The following SLC25A21 variants were observed in gnomAD, a reference collection of about 807,000 sequenced individuals.
The protein encoded by SLC25A21 is mitochondrial 2-oxodicarboxylate carrier.
SLC25A21 carries 47 observed loss-of-function variants against 43.8 expected under a neutral mutation model. That is an observed-to-expected ratio of 1.07 (90% CI 0.85 to 1.37). The LOEUF is 1.37. Ranked by LOEUF, SLC25A21 falls within the 40% of genes most tolerant of loss-of-function variation. The pLI is 0.00. For synonymous variants in SLC25A21, 131 were observed against 121.3 expected (o/e 1.08, Z -0.52); for missense variants, 352 against 350.2 (o/e 1.00, Z -0.04).
At chr14:36,927,004 T>G (rs1250135363) in intron 1 of SLC25A21, among the ~76,000 whole-genome samples, 2 of 151,944 alleles carry the variant, frequency 1.3e-5, no homozygotes, top group Admixed American at 6.6e-5. Flanking sequence ...ACCCCAACTC[T>G]ACTAGAAATG....
intron 1 of SLC25A21, among the ~76,000 whole-genome samples, chr14:37,164,749 T>TA (rs1454475728): frequency 2.0e-5 from 3 of 152,202 alleles, no homozygotes; most frequent in East Asian, 3.8e-4. Flanking sequence ...TATATCTTTT[T>TA]ATTAGCCTTT....
Position 36,680,475 on chromosome 14 carries a change from A to T in SLC25A21, c.*183T>A. 4.1e-6 allele frequency: 5 copies of T among 1,225,164 alleles called. No individual in the cohort carries two copies. The South Asian group carries it at 1.5e-4, about 38-fold the overall frequency. 75.9% of individuals were successfully genotyped at this position (1,225,164 alleles called of 1,614,324 possible). A position where few individuals can be genotyped will look rare whatever the true frequency, so the allele number is the denominator to read the frequency against. On this transcript the variant is annotated 3_prime_UTR_variant, in exon 10 of 10. Coordinates refer to ENST00000331299, the MANE Select transcript of SLC25A21 (RefSeq NM_030631.4). ...TTTTTTTCTTCTCACAGTTTTATTT[A>T]TACAGCCAAAACTATAATCTCAAGT...
At chr14:36,899,109 G>T (rs1293232148) in intron 1 of SLC25A21, among the ~76,000 whole-genome samples, 1 of 152,048 alleles carries the variant, frequency 6.6e-6, no homozygotes, top group East Asian at 1.9e-4. Context: ...TAAATTTAAG[G>T]TTGGGTATGG....
At chr14:36,937,680 G>A (rs1248888423) in intron 1 of SLC25A21, among the ~76,000 whole-genome samples, 1 of 152,082 alleles carries the variant, frequency 6.6e-6, no homozygotes, top group Non-Finnish European at 1.5e-5. Context: ...GCATTAATAG[G>A]GCTGCGAGGA....
chr14:37,049,012 TCTC>T (rs1961648993), intron 1 of SLC25A21, among the ~76,000 whole-genome samples: 1 of 152,168 alleles, frequency 6.6e-6, no homozygotes, highest in African/African-American at 2.4e-5. Flanking sequence ...CTGAACTACT[TCTC>T]CTGCTCCCAC....
intron 1 of SLC25A21, among the ~76,000 whole-genome samples, chr14:37,032,533 C>T (rs1183519055): frequency 1.3e-5 from 2 of 151,954 alleles, no homozygotes; most frequent in South Asian, 2.1e-4. Flanking sequence ...AAGACACTGT[C>T]TCAACAACAA....
chr14:36,905,327 C>A (rs1891506221), intron 1 of SLC25A21, among the ~76,000 whole-genome samples: 1 of 152,172 alleles, frequency 6.6e-6, no homozygotes, highest in Admixed American at 6.5e-5. Flanking sequence ...TGAGGTTGCA[C>A]TGTAAATCTG....
chr14:36,987,737 ATTTTTGTT>A (rs1211719709), intron 1 of SLC25A21, among the ~76,000 whole-genome samples: 2 of 152,134 alleles, frequency 1.3e-5, no homozygotes, highest in Non-Finnish European at 2.9e-5. Context: ...TCTAAAGGAT[ATTTTTGTT>A]CATCAATTTT....
intron 1 of SLC25A21, among the ~76,000 whole-genome samples, chr14:37,141,618 T>C (rs1484885061): frequency 6.6e-6 from 1 of 152,244 alleles, no homozygotes; most frequent in South Asian, 2.1e-4. Flanking sequence ...TCATTTTCCA[T>C]CTTTTTCCTA....
At chr14:37,014,048 G>A (rs183417902) in intron 1 of SLC25A21, among the ~76,000 whole-genome samples, 28 of 152,036 alleles carry the variant, frequency 1.8e-4, no homozygotes, top group African/African-American at 6.3e-4. Flanking sequence ...AGCCTTCAGC[G>A]AACTGTGATC....
intron 1 of SLC25A21, among the ~76,000 whole-genome samples, chr14:36,969,356 T>C (rs983001424): frequency 2.6e-5 from 4 of 152,022 alleles, no homozygotes; most frequent in Non-Finnish European, 4.4e-5. Flanking sequence ...AAGACCTTCG[T>C]GAAAGAGGGG....
At chr14:36,996,585 T>C (rs1960376618) in intron 1 of SLC25A21, among the ~76,000 whole-genome samples, 2 of 152,192 alleles carry the variant, frequency 1.3e-5, no homozygotes, top group South Asian at 4.1e-4. Flanking sequence ...TTCTTGATAC[T>C]GTTTGAATGT....
At chr14:36,849,646 G>C (rs1212799786) in intron 2 of SLC25A21, among the ~76,000 whole-genome samples, 1 of 152,096 alleles carries the variant, frequency 6.6e-6, no homozygotes, top group Non-Finnish European at 1.5e-5. Flanking sequence ...GTAAGACAAG[G>C]TGAAATTAGA....
chr14:36,800,348 G>A (rs1468712807), intron 3 of SLC25A21, among the ~76,000 whole-genome samples: 1 of 152,054 alleles, frequency 6.6e-6, no homozygotes, highest in Non-Finnish European at 1.5e-5. Flanking sequence ...GGATATGAAT[G>A]GATAAACAAA....
intron 1 of SLC25A21, among the ~76,000 whole-genome samples, chr14:37,113,933 C>T (rs1252975369): frequency 6.6e-6 from 1 of 151,130 alleles, no homozygotes; most frequent in South Asian, 2.1e-4. Context: ...ATATTTGCTA[C>T]TAAAATATTG....
At chr14:36,938,807 T>C (rs1427867857) in intron 1 of SLC25A21, among the ~76,000 whole-genome samples, 1 of 152,078 alleles carries the variant, frequency 6.6e-6, no homozygotes, top group African/African-American at 2.4e-5. Context: ...AAACATGGCA[T>C]ATGTAATGAG....
rs140148693 is a variant in SLC25A21, at chr14:36,843,868, C to T, written c.120-29867G>A. Among the ~76,000 whole-genome samples, 345 of 152,312 alleles carry T rather than the reference C, an allele frequency of 2.3e-3. 1 individual carries two copies. The highest frequency in any genetic ancestry group is 4.9e-3 in the African/African-American group (205 of 41,574). On this transcript the variant is annotated intron_variant, in intron 2 of 9. Coordinates refer to ENST00000331299, the MANE Select transcript of SLC25A21 (RefSeq NM_030631.4). The stretch of plus-strand genomic sequence containing the variant: ...TGCATCCAGTGCAACATGTTGCATT[C>T]AACTGTCATATCTCTCTAGTATCTC...
chr14:37,026,212 T>G (rs575363999), intron 1 of SLC25A21, among the ~76,000 whole-genome samples: 1 of 152,316 alleles, frequency 6.6e-6, no homozygotes, highest in South Asian at 2.1e-4. Context: ...ATTTTTGTTT[T>G]TCTACATATC....
At chr14:37,003,331 G>A (rs573967480) in intron 1 of SLC25A21, among the ~76,000 whole-genome samples, 10 of 152,284 alleles carry the variant, frequency 6.6e-5, no homozygotes, top group African/African-American at 2.4e-4. Flanking sequence ...ATGAAGTGAG[G>A]TGAACGCTAC....
Sources: gnomAD v4.1 joint callset for allele counts (sites outside exome capture counted in the v4.1 genomes callset) on GRCh38, gnomAD v4.1.1 for gene constraint, MANE v1.5 for transcripts, NCBI Gene and HGNC (gene_info 2026-07-23, HGNC 2026-07-21) for gene names.